Variants in ITGB8 observed in about 807,000 individuals in gnomAD.
ITGB8 encodes integrin subunit beta 8.
ITGB8 carries 30 observed loss-of-function variants against 89.5 expected under a neutral mutation model. That is an observed-to-expected ratio of 0.34 (90% confidence interval 0.25 to 0.45). ITGB8 has a LOEUF of 0.45. Among genes scored for constraint, ITGB8 ranks in the 20% least tolerant of loss-of-function variants. ITGB8 has a pLI of 1.00. For missense variants in ITGB8, 836 were observed against 933.3 expected, an observed-to-expected ratio of 0.90 and a Z score of 1.36; for synonymous variants, 335 against 320.4, an observed-to-expected ratio of 1.05 and a Z score of -0.49.
At chr7:20,369,407 G>T (rs1057289463) in intron 3 of ITGB8, among the ~76,000 whole-genome samples, 1 of 152,106 alleles carries the variant, frequency 6.6e-6, no homozygotes, top group Admixed American at 6.6e-5. Flanking sequence ...GGCTTGCTAC[G>T]TCCACACAGG....
intron 10 of ITGB8, 65 bp downstream of exon 10, chr7:20,402,191 G>A (rs2127982945): frequency 7.5e-7 from 1 of 1,333,664 alleles, no homozygotes; most frequent in Non-Finnish European, 1.0e-6. Context: ...ATGTTAAAGT[G>A]TCTTTAAATC....
chr7:20,341,932 T>A (rs1411758361), intron 1 of ITGB8, among the ~76,000 whole-genome samples: 1 of 151,892 alleles, frequency 6.6e-6, no homozygotes, highest in Non-Finnish European at 1.5e-5. Context: ...TGCTTTCTAC[T>A]GGTGGGGTAG....
Position 20,331,767 on chromosome 7 carries a change from G to A in ITGB8, c.-40G>A. On this transcript the variant is annotated 5_prime_UTR_variant, in exon 1 of 14. Transcript: ENST00000222573. Reference sequence around the variant, plus strand: ...GGGAGGCGCGAGCCCGCGTCCGGAAGGCAGTCAGGCGGCGGGCGCGGGGCG... The same window carrying A: ...GGGAGGCGCGAGCCCGCGTCCGGAAAGCAGTCAGGCGGCGGGCGCGGGGCG... 2 of 1,593,460 alleles carry A rather than the reference G, an allele frequency of 1.3e-6. No individual in the cohort carries two copies. The highest frequency in any genetic ancestry group is 1.1e-5 in the South Asian group (1 of 89,144).
intron 9 of ITGB8, among the ~76,000 whole-genome samples, chr7:20,399,965 TA>T (rs906796438): frequency 6.6e-6 from 1 of 152,348 alleles, no homozygotes; most frequent in African/African-American, 2.4e-5. Context: ...CTGTGTATTT[TA>T]AATTAATTAT....
In ITGB8 at chr7:20,411,000, A is replaced by G. The variant is rs1787740488; in HGVS notation, c.*1003A>G. On this transcript the variant is annotated 3_prime_UTR_variant, in exon 14 of 14. Coordinates refer to ENST00000222573, the MANE Select transcript of ITGB8 (RefSeq NM_002214.3). Reference sequence around the variant, plus strand: ...TTTCTTAGATTTTGATTGCAAGTAGATATCAGCATTTTTTAAATGAAAAGC... The same window carrying G: ...TTTCTTAGATTTTGATTGCAAGTAGGTATCAGCATTTTTTAAATGAAAAGC... The G allele has an allele frequency of 1.3e-5, 2 of 152,258 alleles. No individual in the cohort carries two copies. The highest frequency in any genetic ancestry group is 6.6e-5 in the Admixed American group (1 of 15,264). 9.4% of individuals were successfully genotyped at this position (152,258 alleles called of 1,614,324 possible). A position where few individuals can be genotyped will look rare whatever the true frequency, so the allele number is the denominator to read the frequency against.
Position 20,397,582 on chromosome 7 carries a change from C to T in ITGB8, c.1147-1278C>T, listed in dbSNP as rs1072104. Among the ~76,000 whole-genome samples the T allele has an allele frequency of 9.7e-3, 1,479 of 152,294 alleles. 92 individuals carry two copies. Among genetic ancestry groups the T allele is most frequent in the Admixed American group, 0.09 (1,373 of 15,300 alleles). On this transcript the variant is annotated intron_variant, in intron 8 of 13. Coordinates refer to ENST00000222573, the MANE Select transcript of ITGB8 (RefSeq NM_002214.3). ...AAGGGTAAACTGAGGATGCTCATTG[C>T]GTTAGGCATTTCCTTCTGATCTGCT...
chr7:20,363,752 T>C (rs765029391), intron 2 of ITGB8, 30 bp downstream of exon 2: 8 of 1,380,068 alleles, frequency 5.8e-6, no homozygotes, highest in Admixed American at 4.5e-5. Flanking sequence ...CTTTTTCTCA[T>C]GGTTGACTTG....
intron 1 of ITGB8, among the ~76,000 whole-genome samples, chr7:20,342,503 T>C (rs1028904069): frequency 2.6e-5 from 4 of 152,126 alleles, no homozygotes; most frequent in Admixed American, 6.5e-5. Context: ...AATGAGTTGG[T>C]TACACAAGAC....
intron 1 of ITGB8, among the ~76,000 whole-genome samples, chr7:20,354,466 G>A (rs1287192157): frequency 6.6e-6 from 1 of 152,160 alleles, no homozygotes; most frequent in African/African-American, 2.4e-5. Context: ...GTGTTTATCT[G>A]CAAGTAAGAG....
chr7:20,354,756 C>G (rs769843098), intron 1 of ITGB8, among the ~76,000 whole-genome samples: 4 of 152,196 alleles, frequency 2.6e-5, no homozygotes, highest in Non-Finnish European at 4.4e-5. Flanking sequence ...TTTTTGAAAA[C>G]TTTCACAGAA....
chr7:20,343,337 A>C lies in ITGB8; in HGVS notation c.127+11404A>C, dbSNP rs151207921. Among the ~76,000 whole-genome samples the C allele has an allele frequency of 3.2e-3, 490 of 152,310 alleles. 3 individuals carry two copies. The highest frequency in any genetic ancestry group is 4.7e-3 in the African/African-American group (196 of 41,564). Reference sequence around the variant, plus strand: ...AGACAGAATAAAGATGCAATCATGTAATAAAATGGCCCAGGAAATTCCTTA... The same window carrying C: ...AGACAGAATAAAGATGCAATCATGTCATAAAATGGCCCAGGAAATTCCTTA... On this transcript the variant is annotated intron_variant, in intron 1 of 13. Coordinates refer to ENST00000222573, the MANE Select transcript of ITGB8 (RefSeq NM_002214.3).
chr7:20,394,799 C>A, intron 7 of ITGB8, 97 bp from the exon 8 acceptor site: 2 of 839,212 alleles, frequency 2.4e-6, no homozygotes, highest in African/African-American at 1.7e-5. Context: ...TAATGGTTCA[C>A]CTTCAACTGA....
chr7:20,361,628 A>G (rs1434829257), intron 1 of ITGB8, among the ~76,000 whole-genome samples: 1 of 152,202 alleles, frequency 6.6e-6, no homozygotes, highest in Non-Finnish European at 1.5e-5. Context: ...GGTTCAACAT[A>G]TGAATTTGGG....
intron 6 of ITGB8, among the ~76,000 whole-genome samples, chr7:20,386,028 T>C (rs959557500): frequency 2.6e-5 from 4 of 152,224 alleles, no homozygotes; most frequent in African/African-American, 9.6e-5. Context: ...TAAATCTTTT[T>C]CTGCTTCTCA....
rs560451809 is a variant in ITGB8 at position 20,338,014 on chromosome 7, T to G, written c.127+6081T>G. Among the ~76,000 whole-genome samples, 3 of 152,206 alleles carry G rather than the reference T, an allele frequency of 2.0e-5. No homozygotes were observed. The East Asian group carries it at 5.8e-4, about 29-fold the overall frequency. ...ATGCAAGCTGAAGTGTCCATGCAGG[T>G]AAACAACAGGCTACCTGTGCTGCAG... On this transcript the variant is annotated intron_variant, in intron 1 of 13. Transcript: ENST00000222573.
chr7:20,335,733 C>T (rs569031710), intron 1 of ITGB8, among the ~76,000 whole-genome samples: 26 of 152,324 alleles, frequency 1.7e-4, no homozygotes, highest in Admixed American at 1.6e-3. Flanking sequence ...GCAGTCCACT[C>T]TCTTAAGATC....
chr7:20,336,606 A>G (rs1219612251), intron 1 of ITGB8, among the ~76,000 whole-genome samples: 2 of 152,224 alleles, frequency 1.3e-5, no homozygotes, highest in Non-Finnish European at 2.9e-5. Context: ...AGAAAGCTTG[A>G]ATTATGCTTC....
At chr7:20,372,081 T>C (rs1583502423) in intron 3 of ITGB8, among the ~76,000 whole-genome samples, 1 of 152,228 alleles carries the variant, frequency 6.6e-6, no homozygotes, top group East Asian at 1.9e-4. Flanking sequence ...ATTTTTCTAA[T>C]TGAATGCTAA....
At position 20,412,999 on chromosome 7, in the gene ITGB8, A is replaced by G. The variant is rs1787816515; in HGVS notation, c.*3002A>G. Reference sequence around the variant, plus strand: ...TAGTACTGCAGCATTTTTGTGCCCTAAAGTATGTAATGATTTATAAATGTG... The same window carrying G: ...TAGTACTGCAGCATTTTTGTGCCCTGAAGTATGTAATGATTTATAAATGTG... On this transcript the variant is annotated 3_prime_UTR_variant, in exon 14 of 14. Transcript: ENST00000222573. 6.6e-6 allele frequency: 1 copy of G among 152,448 alleles called. No homozygotes were observed. Among genetic ancestry groups the G allele is most frequent in the Admixed American group, 6.5e-5 (1 of 15,276 alleles). 9.4% of individuals were successfully genotyped at this position (152,448 alleles called of 1,614,324 possible). A position where few individuals can be genotyped will look rare whatever the true frequency, so the allele number is the denominator to read the frequency against.
Sources: allele counts gnomAD v4.1 joint callset (sites outside exome capture counted in the v4.1 genomes callset), GRCh38; gene constraint gnomAD v4.1.1; transcripts MANE v1.5; gene names NCBI Gene and HGNC (gene_info 2026-07-23, HGNC 2026-07-21).